The following PAN3 variants were observed in gnomAD, a reference collection of about 807,000 sequenced individuals.
PAN3 encodes PAN2-PAN3 deadenylation complex subunit PAN3.
PAN3 carries 19 observed loss-of-function variants against 96.2 expected under a neutral mutation model. That is an observed-to-expected ratio of 0.20 (90% CI 0.14 to 0.29). The LOEUF (loss-of-function observed/expected upper bound fraction) is 0.29, where lower values mean the gene tolerates loss of function less well. PAN3 is among the 10% of genes least tolerant of loss of function. The pLI is 1.00. For missense variants in PAN3, 882 were observed against 1,108.1 expected (o/e 0.80, Z 2.90); for synonymous variants, 433 against 406.6 (o/e 1.06, Z -0.78).
chr13:28,205,861 TA>T lies in PAN3; in HGVS notation c.852+8531del, dbSNP rs369273234. On this transcript the variant is annotated intron_variant, in intron 5 of 18. Transcript: ENST00000380958. ...AAACGAAAACAAAAAAACTGTTTCT[TA>T]AAAAAAAAAAAAAAAGAAAAGAAAT... Among the ~76,000 whole-genome samples, 882 of 133,062 alleles carry T rather than the reference TA, an allele frequency of 6.6e-3. 1 individual carries two copies. The highest frequency in any genetic ancestry group is 0.012 in the Middle Eastern group (3 of 260). The allele number at this position is 133,062 out of a possible 152,430, so 87.3% of individuals were successfully genotyped here.
intron 18 of PAN3, among the ~76,000 whole-genome samples, chr13:28,290,870 A>G (rs1384496089): frequency 6.6e-6 from 1 of 152,220 alleles, no homozygotes; most frequent in East Asian, 1.9e-4. Flanking sequence ...ACGTAGAACC[A>G]GAACAAACAT....
rs1566240068 is a variant in PAN3, at chr13:28,262,189, A to C, written c.1411+731A>C. Among the ~76,000 whole-genome samples, 6 of 152,238 alleles carry C rather than the reference A, an allele frequency of 3.9e-5. No individual in the cohort carries two copies. In the South Asian group the frequency reaches 1.0e-3, roughly 26 times the overall value. Reference sequence around the variant, plus strand: ...GAATACTGAAGTTGACAGGTTAAGTAACTTAACCTTCAGGACCAATGGCTG... The same window carrying C: ...GAATACTGAAGTTGACAGGTTAAGTCACTTAACCTTCAGGACCAATGGCTG... On this transcript the variant is annotated intron_variant, in intron 9 of 18. Transcript: ENST00000380958.
intron 5 of PAN3, among the ~76,000 whole-genome samples, chr13:28,216,345 G>A (rs1880769472): frequency 1.3e-5 from 2 of 152,146 alleles, no homozygotes; most frequent in Admixed American, 1.3e-4. Flanking sequence ...GGGGTGGAAA[G>A]GAGAGAGGGG....
At chr13:28,144,233 TTG>T (rs1491367267) in intron 1 of PAN3, among the ~76,000 whole-genome samples, 16 of 147,968 alleles carry the variant, frequency 1.1e-4, no homozygotes, top group African/African-American at 3.7e-4. Flanking sequence ...TTTTTTTTTT[TTG>T]ATATGGAGTC....
At chr13:28,241,150 A>G (rs1883624598) in intron 6 of PAN3, among the ~76,000 whole-genome samples, 1 of 152,076 alleles carries the variant, frequency 6.6e-6, no homozygotes, top group South Asian at 2.1e-4. Context: ...GATCCAAGCT[A>G]CTAGGGAGGC....
intron 14 of PAN3, 87 bp from the exon 15 acceptor site, chr13:28,277,150 C>CT (rs1887130792): frequency 1.5e-6 from 2 of 1,310,890 alleles, no homozygotes; most frequent in African/African-American, 1.5e-5. Context: ...TATAATGATG[C>CT]TTTTTCCATT....
chr13:28,272,874 A>G (rs1324359630), intron 14 of PAN3, among the ~76,000 whole-genome samples: 1 of 152,114 alleles, frequency 6.6e-6, no homozygotes, highest in East Asian at 1.9e-4. Context: ...CGGCCTCCTG[A>G]TAACGTCAGA....
intron 4 of PAN3, among the ~76,000 whole-genome samples, chr13:28,183,910 T>C (rs1444338881): frequency 1.3e-5 from 2 of 152,306 alleles, no homozygotes; most frequent in East Asian, 1.9e-4. Flanking sequence ...GTAAGTGGTG[T>C]TGGTCAAATT....
intron 6 of PAN3, among the ~76,000 whole-genome samples, chr13:28,226,687 A>G (rs1882034801): frequency 6.6e-6 from 1 of 152,216 alleles, no homozygotes; most frequent in Admixed American, 6.5e-5. Flanking sequence ...AAAAACTGCA[A>G]ATGTTCAAGA....
intron 9 of PAN3, among the ~76,000 whole-genome samples, chr13:28,261,935 T>C (rs1337516339): frequency 6.6e-6 from 1 of 151,968 alleles, no homozygotes; most frequent in East Asian, 1.9e-4. Flanking sequence ...AAAAAAAGTA[T>C]ATAATTTTAG....
At chr13:28,279,717 G>T (rs1165240653) in intron 15 of PAN3, among the ~76,000 whole-genome samples, 2 of 151,214 alleles carry the variant, frequency 1.3e-5, no homozygotes, top group Non-Finnish European at 3.0e-5. Flanking sequence ...CCGAGATCAC[G>T]CCACTGCACT....
rs1268813824 is a variant in PAN3 at position 28,197,198 on chromosome 13, G to A, written c.704G>A (p.Arg235His). The change falls in exon 5 of 19, where the codon CGC becomes CAC. Residue 235 changes from arginine (R) to histidine (H), a missense_variant. Physicochemically the swap from Arg to His is conservative, Grantham distance 29. This residue lies in a region of PAN3 where 442 missense variants were observed against 422.8 expected (regional missense o/e 1.05). Coordinates refer to ENST00000380958, the MANE Select transcript of PAN3 (RefSeq NM_175854.8). ...TCTTTTTCCTAGCCAAGGAAGTATC[G>A]CCTGGGGATGCTGGAGGAGAGGCTA... is the stretch of plus-strand genomic sequence containing the variant. Reference protein sequence around the residue: ...ISQRRKPRKYRLGMLEERLVP... With the variant: ...ISQRRKPRKYHLGMLEERLVP... 14 of 1,612,706 alleles carry A rather than the reference G, an allele frequency of 8.7e-6. No homozygotes were observed. Among genetic ancestry groups the A allele is most frequent in the East Asian group, 2.2e-5 (1 of 44,824 alleles).
At chr13:28,189,244 G>C (rs528051567) in intron 4 of PAN3, among the ~76,000 whole-genome samples, 1 of 152,154 alleles carries the variant, frequency 6.6e-6, no homozygotes, top group Non-Finnish European at 1.5e-5. Context: ...TTAGCCAGGC[G>C]TGGTGGCTCA....
intron 5 of PAN3, 97 bp from the exon 6 acceptor site, chr13:28,220,134 T>C: frequency 1.7e-6 from 2 of 1,157,504 alleles, no homozygotes; most frequent in Non-Finnish European, 2.4e-6. Context: ...TAATATATTT[T>C]ACTTAGTAAA....
At chr13:28,215,015 T>C (rs1362697188) in intron 5 of PAN3, 8 of 1,233,376 alleles carry the variant, frequency 6.5e-6, no homozygotes, top group East Asian at 2.3e-5. Flanking sequence ...AGAAGAGATA[T>C]GAGGAAATCA....
chr13:28,174,473 A>G, intron 2 of PAN3, 80 bp downstream of exon 2: 1 of 1,456,048 alleles, frequency 6.9e-7, no homozygotes, highest in Non-Finnish European at 9.3e-7. Flanking sequence ...ATTTATTCCT[A>G]CATTTGTTGA....
intron 4 of PAN3, among the ~76,000 whole-genome samples, chr13:28,196,266 T>C (rs1878044452): frequency 6.6e-6 from 1 of 152,178 alleles, no homozygotes; most frequent in Admixed American, 6.5e-5. Context: ...GAGTTTAAAT[T>C]AATTACCTTC....
intron 17 of PAN3, among the ~76,000 whole-genome samples, chr13:28,286,099 A>C (rs1382479384): frequency 6.6e-6 from 1 of 152,206 alleles, no homozygotes; most frequent in Admixed American, 6.5e-5. Flanking sequence ...CTCTGTGATA[A>C]AGCAGTGTGA....
intron 1 of PAN3, among the ~76,000 whole-genome samples, chr13:28,162,490 G>A (rs1375331788): frequency 6.6e-6 from 1 of 152,014 alleles, no homozygotes; most frequent in Admixed American, 6.6e-5. Flanking sequence ...TTTGAGACCA[G>A]CCTGGGCAAC....
Sources: gnomAD v4.1 joint callset for allele counts (sites outside exome capture counted in the v4.1 genomes callset) on GRCh38, gnomAD v4.1.1 for gene constraint, gnomAD v4.1.1 regional missense constraint, MANE v1.5 for transcripts, NCBI Gene and HGNC (gene_info 2026-07-23, HGNC 2026-07-21) for gene names.